The following OPHN1 variants were observed in gnomAD, a reference collection of about 807,000 sequenced individuals.
OPHN1 encodes the protein oligophrenin-1.
Under a neutral mutation model 60.7 loss-of-function variants are expected in OPHN1, and 11 were observed. The ratio of observed to expected loss-of-function variants is 0.18; its 90% CI spans 0.11 to 0.30. OPHN1 has a LOEUF of 0.30. Ranked by LOEUF, OPHN1 falls within the 10% of genes least tolerant of loss-of-function variation. The pLI, the probability that OPHN1 is intolerant of heterozygous loss-of-function variation, is 1.00. For missense variants in OPHN1, 449 were observed against 611.0 expected (o/e 0.73, Z 2.80); for synonymous variants, 226 against 222.6 (o/e 1.02, Z -0.14).
Position 68,195,487 on chromosome X carries a change from C to A in OPHN1, c.1105-989G>T, listed in dbSNP as rs764661002. Among the ~76,000 whole-genome samples the A allele has an allele frequency of 4.5e-5, 5 of 112,097 alleles. No individual in the cohort carries two copies. In the South Asian group the frequency reaches 1.1e-3, roughly 25 times the overall value. On this transcript the variant is annotated intron_variant, in intron 12 of 24. Transcript: ENST00000355520. ...CCTCTTAGGAAATTTTGGGCATGCC[C>A]TTTCCATTCTCCAGATCTCAAAATT... is the stretch of plus-strand genomic sequence containing the variant.
intron 2 of OPHN1, among the ~76,000 whole-genome samples, chrX:68,344,530 T>A (rs781369652): frequency 9.2e-6 from 1 of 109,243 alleles, no homozygotes; most frequent in South Asian, 4.1e-4. Flanking sequence ...GAGAATCACT[T>A]GAACCCAGGA....
At chrX:68,422,618 G>GAGAGAGAA (rs2078832454) in intron 2 of OPHN1, among the ~76,000 whole-genome samples, 1 of 81,858 alleles carries the variant, frequency 1.2e-5, no homozygotes, top group Non-Finnish European at 2.2e-5. Context: ...AAAAGAGAGA[G>GAGAGAGAA]AGAAAGAAAG....
chrX:68,099,682 A>G (rs1315415883), intron 18 of OPHN1, among the ~76,000 whole-genome samples: 1 of 112,174 alleles, frequency 8.9e-6, no homozygotes, highest in Non-Finnish European at 1.9e-5. Context: ...AGAAACCATT[A>G]CTCAACCCCA....
At chrX:68,077,974 G>A (rs751756701) in intron 19 of OPHN1, among the ~76,000 whole-genome samples, 22 of 111,819 alleles carry the variant, frequency 2.0e-4, no homozygotes, top group African/African-American at 7.1e-4. Context: ...ACCTCTCTGA[G>A]CCTCAGTTGT....
chrX:68,351,536 T>C (rs1298099604), intron 2 of OPHN1, among the ~76,000 whole-genome samples: 1 of 111,788 alleles, frequency 8.9e-6, no homozygotes, highest in Admixed American at 9.6e-5. Context: ...CTAAACATGG[T>C]CACCAAAGCA....
chrX:68,112,088 CAGAG>C (rs112064734), intron 17 of OPHN1, 129 bp from the exon 18 acceptor site: 16,285 of 360,988 alleles, frequency 0.045, 13 homozygotes, highest in Middle Eastern at 0.05. Context: ...CACACACACA[CAGAG>C]AGAGATTCGG....
At chrX:68,047,320 CA>C (rs1276467092) in intron 24 of OPHN1, among the ~76,000 whole-genome samples, 157 bp from the exon 25 acceptor site, 1 of 111,374 alleles carries the variant, frequency 9.0e-6, no homozygotes, top group Non-Finnish European at 1.9e-5. Context: ...TCTTACAAGT[CA>C]AATCTCATGA....
intron 5 of OPHN1, among the ~76,000 whole-genome samples, chrX:68,244,997 C>A (rs1401037992): frequency 1.8e-5 from 2 of 111,602 alleles, no homozygotes; most frequent in African/African-American, 6.5e-5. Context: ...GGCACTAAAC[C>A]ACGTTCAAAT....
intron 2 of OPHN1, among the ~76,000 whole-genome samples, chrX:68,359,130 G>C (rs1466692387): frequency 9.0e-6 from 1 of 111,492 alleles, no homozygotes; most frequent in Admixed American, 9.6e-5. Context: ...CCTCTCTCTT[G>C]AGCAACATTT....
At chrX:68,114,850 G>A (rs1234971712) in intron 16 of OPHN1, among the ~76,000 whole-genome samples, 3 of 111,658 alleles carry the variant, frequency 2.7e-5, no homozygotes, top group African/African-American at 9.8e-5. Context: ...TGATGGCAAG[G>A]GAGCAGTTTG....
At position 68,296,846 on chromosome X, in the gene OPHN1, T is replaced by C. The variant is rs192519112; in HGVS notation, c.250+2155A>G. On this transcript the variant is annotated intron_variant, in intron 3 of 24. Transcript: ENST00000355520. ...GCAAAGATGTCATAATCAGCAGCTC[T>C]GATGGAGCCCCACAGACCCCCACAG... 2.7e-5 allele frequency among the ~76,000 whole-genome samples: 3 copies of C among 110,259 alleles called. No homozygotes were observed. In the East Asian group the frequency reaches 8.6e-4, roughly 32 times the overall value.
Position 68,426,180 on chromosome X carries a change from C to T in OPHN1, c.154+6687G>A, listed in dbSNP as rs774205839. ...TTTCAGCTGGGCACAGTGTCTCACG[C>T]CTGTAATCCCAGCACTTTGGGAGGC... On this transcript the variant is annotated intron_variant, in intron 2 of 24. Coordinates refer to ENST00000355520, the MANE Select transcript of OPHN1 (RefSeq NM_002547.3). 2.7e-5 allele frequency among the ~76,000 whole-genome samples: 3 copies of T among 111,221 alleles called. No homozygotes were observed. In the East Asian group the frequency reaches 8.8e-4, roughly 33 times the overall value.
At chrX:68,397,192 G>A (rs1419388309) in intron 2 of OPHN1, among the ~76,000 whole-genome samples, 1 of 112,055 alleles carries the variant, frequency 8.9e-6, no homozygotes, top group Non-Finnish European at 1.9e-5. Context: ...AATCATAGCA[G>A]CTGTTAACAA....
chrX:68,306,169 C>T (rs1052201142), intron 2 of OPHN1, among the ~76,000 whole-genome samples: 1 of 112,060 alleles, frequency 8.9e-6, no homozygotes. Flanking sequence ...TGAGCATTGG[C>T]CAACTCAATA....
chrX:68,253,403 T>C (rs1239804172), intron 5 of OPHN1, among the ~76,000 whole-genome samples: 1 of 111,299 alleles, frequency 9.0e-6, no homozygotes, highest in African/African-American at 3.3e-5. Flanking sequence ...GCCCAAAATA[T>C]TATATTTATG....
At chrX:68,123,543 C>T in intron 15 of OPHN1, among the ~76,000 whole-genome samples, 2 of 111,606 alleles carry the variant, frequency 1.8e-5, no homozygotes. Flanking sequence ...GAGAGTACAA[C>T]AAGACATAAA....
At chrX:68,328,048 C>G (rs1221556728) in intron 2 of OPHN1, among the ~76,000 whole-genome samples, 3 of 99,717 alleles carry the variant, frequency 3.0e-5, no homozygotes, top group Non-Finnish European at 4.0e-5. Context: ...CCAGGATGGT[C>G]TCGATCTCCT....
chrX:68,269,302 A>G (rs2077952613), intron 5 of OPHN1, among the ~76,000 whole-genome samples: 1 of 111,659 alleles, frequency 9.0e-6, no homozygotes, highest in Non-Finnish European at 1.9e-5. Context: ...CCAAAAGAAC[A>G]AAGCTGGAGG....
At chrX:68,394,347 T>C (rs1472468650) in intron 2 of OPHN1, among the ~76,000 whole-genome samples, 3 of 111,646 alleles carry the variant, frequency 2.7e-5, no homozygotes, top group African/African-American at 9.8e-5. Context: ...TTAACTACTA[T>C]AGCTTAATAG....
Sources: allele counts gnomAD v4.1 joint callset (sites outside exome capture counted in the v4.1 genomes callset), GRCh38; gene constraint gnomAD v4.1.1; transcripts MANE v1.5; gene names NCBI Gene and HGNC (gene_info 2026-07-23, HGNC 2026-07-21).